Variants in ZNF536 observed in about 807,000 individuals in gnomAD.
ZNF536 encodes the protein zinc finger protein 536.
In ZNF536, 13 loss-of-function variants were observed where a neutral mutation model predicts 84.5. The ratio of observed to expected loss-of-function variants is 0.15; its 90% confidence interval spans 0.10 to 0.24. The LOEUF is 0.24. ZNF536 is among the 10% of genes least tolerant of loss of function. The pLI, the probability that ZNF536 is intolerant of heterozygous loss-of-function variation, is 1.00. For missense variants in ZNF536, 1,536 were observed against 1,747.5 expected (o/e 0.88, Z 2.16); for synonymous variants, 811 against 742.5 (o/e 1.09, Z -1.50).
In ZNF536 at chr19:30,464,958, A is replaced by T. The variant is rs569111770; in HGVS notation, c.2170+19226A>T. Among the ~76,000 whole-genome samples, 6 of 152,220 alleles carry T rather than the reference A, an allele frequency of 3.9e-5. No homozygotes were observed. In the East Asian group the frequency reaches 9.7e-4, roughly 25 times the overall value. ...CCCAAGGGATGCAGCACTCTGGAGA[A>T]CAGGGACTGCCTGATGAGAACTGGG... On this transcript the variant is annotated intron_variant, in intron 2 of 4. Transcript: ENST00000355537.
chr19:30,501,900 G>A (rs534488881), intron 2 of ZNF536, among the ~76,000 whole-genome samples: 1 of 152,280 alleles, frequency 6.6e-6, no homozygotes, highest in East Asian at 1.9e-4. Flanking sequence ...TCCAATAATG[G>A]AACACTAGGC....
intron 1 of ZNF536, among the ~76,000 whole-genome samples, chr19:30,429,156 C>T (rs970203883): frequency 2.0e-5 from 3 of 152,120 alleles, no homozygotes; most frequent in African/African-American, 7.2e-5. Context: ...GATCCTGGCC[C>T]TGGGGCTAGC....
chr19:30,505,436 T>C (rs1030814736), intron 2 of ZNF536, among the ~76,000 whole-genome samples: 2 of 148,170 alleles, frequency 1.3e-5, no homozygotes, highest in African/African-American at 4.9e-5. Flanking sequence ...AGTTATATTA[T>C]CTCATACCTT....
chr19:30,432,004 T>TAC (rs2051486509), intron 1 of ZNF536, among the ~76,000 whole-genome samples: 1 of 140,516 alleles, frequency 7.1e-6, no homozygotes, highest in African/African-American at 2.8e-5. Flanking sequence ...TATATATATA[T>TAC]ATACACACAC....
At chr19:30,675,086 A>T (rs1013536141) in intron 1 of ZNF536, among the ~76,000 whole-genome samples, 2 of 152,080 alleles carry the variant, frequency 1.3e-5, no homozygotes, top group Non-Finnish European at 2.9e-5. Flanking sequence ...CTCTGGCCTC[A>T]TGTTCTCTGG....
chr19:30,260,008 A>T (rs1260885282), intron 1 of ZNF536, among the ~76,000 whole-genome samples: 9 of 148,386 alleles, frequency 6.1e-5, no homozygotes, highest in Non-Finnish European at 1.3e-4. Context: ...CAAGTGATCC[A>T]CCTGCCTTGG....
chr19:30,444,893 C>T lies in ZNF536; in HGVS notation c.1331C>T (p.Ala444Val), dbSNP rs2148202728. ...AGTGGCTTCATGACCCCGGACAAAG[C>T]CGGCCTGAGCGAGCCCAGCCAGCTC... ...LQSGFMTPDK[A>V]GLSEPSQLYG... The change falls in exon 2 of 5, where the codon GCC (alanine) becomes GTC (valine). Residue 444 changes from alanine to valine, a missense_variant. Physicochemically the swap from Ala to Val is moderately conservative, Grantham distance 64. Around this residue, in one of 8 missense-constraint regions of ZNF536, gnomAD observed 366 missense variants for 364.4 expected, o/e 1.00. Coordinates refer to ENST00000355537, the MANE Select transcript of ZNF536 (RefSeq NM_014717.3). 1 of 1,611,320 alleles carries T rather than the reference C, an allele frequency of 6.2e-7. No homozygotes were observed. Among genetic ancestry groups the T allele is most frequent in the Non-Finnish European group, 8.5e-7 (1 of 1,178,838 alleles).
intron 1 of ZNF536, among the ~76,000 whole-genome samples, chr19:30,236,161 G>C (rs1209616666): frequency 6.6e-6 from 1 of 152,262 alleles, no homozygotes; most frequent in South Asian, 2.1e-4. Context: ...CTGCGCAGCC[G>C]AAACCTCCTC....
chr19:30,259,276 C>T (rs1022789500), intron 1 of ZNF536, among the ~76,000 whole-genome samples: 7 of 152,162 alleles, frequency 4.6e-5, no homozygotes, highest in African/African-American at 1.7e-4. Flanking sequence ...AAAGACCTCA[C>T]ACTCTTCTGA....
At chr19:30,622,061 C>A (rs1217666452) in intron 1 of ZNF536, among the ~76,000 whole-genome samples, 1 of 152,164 alleles carries the variant, frequency 6.6e-6, no homozygotes, top group Non-Finnish European at 1.5e-5. Context: ...ATCAACTTCC[C>A]GGCTTGAAAC....
At chr19:30,303,241 A>C (rs1322933207) in intron 2 of ZNF536, among the ~76,000 whole-genome samples, 1 of 152,166 alleles carries the variant, frequency 6.6e-6, no homozygotes, top group East Asian at 1.9e-4. Context: ...CATCTCCCAG[A>C]GATGACCCCA....
At chr19:30,545,430 C>T (rs554202159) in intron 3 of ZNF536, among the ~76,000 whole-genome samples, 2 of 107,108 alleles carry the variant, frequency 1.9e-5, no homozygotes, top group African/African-American at 3.7e-5. Flanking sequence ...TGGAGTCTTG[C>T]TCTGTCGCCC....
At chr19:30,432,612 A>G (rs992829689) in intron 1 of ZNF536, among the ~76,000 whole-genome samples, 2 of 152,096 alleles carry the variant, frequency 1.3e-5, no homozygotes, top group Non-Finnish European at 2.9e-5. Context: ...TCCAAACCCT[A>G]CACTCTTCTT....
chr19:30,579,001 T>C (rs76160592), intron 1 of ZNF536, among the ~76,000 whole-genome samples: 2 of 152,324 alleles, frequency 1.3e-5, no homozygotes, highest in Middle Eastern at 3.4e-3. Context: ...AGATTCCTCA[T>C]AGAAATAATA....
intron 1 of ZNF536, among the ~76,000 whole-genome samples, chr19:30,270,740 A>G (rs2025783035): frequency 6.8e-6 from 1 of 146,608 alleles, no homozygotes; most frequent in South Asian, 2.2e-4. Context: ...GGTAGCTGGG[A>G]AAAATGCAGG....
chr19:30,312,558 C>G (rs1026273182), intron 2 of ZNF536, among the ~76,000 whole-genome samples: 1 of 152,126 alleles, frequency 6.6e-6, no homozygotes, highest in East Asian at 1.9e-4. Flanking sequence ...TTGTATTAAA[C>G]TAGTTTAAAA....
At chr19:30,455,441 G>A (rs1024695416) in intron 2 of ZNF536, among the ~76,000 whole-genome samples, 2 of 152,084 alleles carry the variant, frequency 1.3e-5, no homozygotes, top group Non-Finnish European at 2.9e-5. Context: ...AGTGGCTCAT[G>A]CCTGTATTCC....
intron 2 of ZNF536, among the ~76,000 whole-genome samples, chr19:30,337,119 C>T (rs2047406169): frequency 6.6e-6 from 1 of 152,086 alleles, no homozygotes; most frequent in Non-Finnish European, 1.5e-5. Flanking sequence ...TTCTCCTTTA[C>T]CCCGGAGTTA....
chr19:30,575,579 G>T (rs960927917), intron 1 of ZNF536, among the ~76,000 whole-genome samples: 2 of 152,184 alleles, frequency 1.3e-5, no homozygotes, highest in African/African-American at 4.8e-5. Flanking sequence ...GAGACCCAGC[G>T]GTCCAGAAAG....
Sources: allele counts gnomAD v4.1 joint callset (sites outside exome capture counted in the v4.1 genomes callset), GRCh38; gene constraint gnomAD v4.1.1; regional missense constraint gnomAD v4.1.1; transcripts MANE v1.5; gene names NCBI Gene and HGNC (gene_info 2026-07-23, HGNC 2026-07-21).